The following SNAP47 variants were observed in gnomAD, a reference collection of about 807,000 sequenced individuals.
The protein encoded by SNAP47 is synaptosomal-associated protein 47.
Under a neutral mutation model 31.4 loss-of-function variants are expected in SNAP47, and 20 were observed. The observed-to-expected ratio is 0.64, with a 90% CI of 0.45 to 0.93. The LOEUF (loss-of-function observed/expected upper bound fraction) is 0.93, where lower values mean the gene tolerates loss of function less well. Ranked by LOEUF, SNAP47 falls within the 40% of genes least tolerant of loss-of-function variation. The pLI, the probability that SNAP47 is intolerant of heterozygous loss-of-function variation, is 0.00. For missense variants in SNAP47, 492 were observed against 528.5 expected (o/e 0.93, Z 0.68); for synonymous variants, 194 against 213.4 (o/e 0.91, Z 0.79).
In SNAP47 at chr1:227,735,453, G is replaced by T; in HGVS notation, c.-92G>T. On this transcript the variant is annotated 5_prime_UTR_variant, in exon 1 of 5. Transcript: ENST00000617596. The stretch of plus-strand genomic sequence containing the variant: ...GGTCTTCACTGCGCAGGCGCCGAGC[G>T]GCCGAGGCGCCGCGGTCGGCTCTGG... 6.9e-7 allele frequency: 1 copy of T among 1,445,166 alleles called. No homozygotes were observed. The allele number at this position is 1,445,166 out of a possible 1,614,324, so 89.5% of individuals were successfully genotyped here. A position where few individuals can be genotyped will look rare whatever the true frequency, so the allele number is the denominator to read the frequency against.
chr1:227,732,147 G>A (rs745662378), upstream of SNAP47: 15 of 582,100 alleles, frequency 2.6e-5, no homozygotes, highest in Non-Finnish European at 4.6e-5. Context: ...GCCAGGTCCT[G>A]GCACCATCTC....
Position 227,741,016 on chromosome 1 carries a change from G to A in SNAP47, c.-46+5517G>A, listed in dbSNP as rs996602909. ...GGTCAGGGACAGATGCCCAGCGGGTGATAGGGGAGGGCCTGTGAAGTTGGG... is the reference window on the plus strand; with the variant it reads ...GGTCAGGGACAGATGCCCAGCGGGTAATAGGGGAGGGCCTGTGAAGTTGGG... On this transcript the variant is annotated intron_variant, in intron 1 of 4. Coordinates refer to ENST00000617596, the MANE Select transcript of SNAP47 (RefSeq NM_053052.4). This position sits in a 1 kb window ranked among gnomAD's most constrained non-coding sequence, Gnocchi z 4.2. Among the ~76,000 whole-genome samples, 17 of 148,452 alleles carry A rather than the reference G, an allele frequency of 1.1e-4. No homozygotes were observed. The highest frequency in any genetic ancestry group is 2.9e-5 in the Non-Finnish European group (2 of 67,864).
At chr1:227,755,938 A>G (rs1039238942) in intron 2 of SNAP47, among the ~76,000 whole-genome samples, 4 of 152,198 alleles carry the variant, frequency 2.6e-5, no homozygotes, top group Admixed American at 1.3e-4. Flanking sequence ...CTTTTAACCA[A>G]TTGCCAATCA....
intron 2 of SNAP47, among the ~76,000 whole-genome samples, chr1:227,756,736 A>C (rs986144870): frequency 3.3e-5 from 5 of 152,178 alleles, no homozygotes; most frequent in Admixed American, 2.0e-4. Flanking sequence ...GGTCCTGGGG[A>C]TTGCACCTCC....
Position 227,780,852 on chromosome 1 carries a change from C to T in SNAP47, c.*179C>T. On this transcript the variant is annotated 3_prime_UTR_variant, in exon 5 of 5. Transcript: ENST00000617596. Reference sequence around the variant, plus strand: ...CCTCCCCAGGTGTGCACCATGCCTGCCTCCCACTTGGCTGTCCCTGCTGCT... The same window carrying T: ...CCTCCCCAGGTGTGCACCATGCCTGTCTCCCACTTGGCTGTCCCTGCTGCT... The T allele has an allele frequency of 1.2e-6, 1 of 802,916 alleles. No homozygotes were observed. Among genetic ancestry groups the T allele is most frequent in the Non-Finnish European group, 1.9e-6 (1 of 523,414 alleles). The allele number at this position is 802,916 out of a possible 1,614,324, so 49.7% of individuals were successfully genotyped here.
intron 4 of SNAP47, among the ~76,000 whole-genome samples, chr1:227,774,656 G>A (rs570199863): frequency 5.9e-5 from 9 of 152,350 alleles, no homozygotes; most frequent in African/African-American, 1.9e-4. Context: ...AGCTCTGGCC[G>A]TGTTGGTTCA....
At chr1:227,771,257 T>C (rs1663784592) in intron 4 of SNAP47, among the ~76,000 whole-genome samples, 2 of 152,310 alleles carry the variant, frequency 1.3e-5, no homozygotes, top group South Asian at 2.1e-4. Flanking sequence ...GATGCTGTTT[T>C]TATTTATGGC....
intron 1 of SNAP47, among the ~76,000 whole-genome samples, chr1:227,744,635 A>G (rs911186895): frequency 2.9e-5 from 4 of 137,250 alleles, no homozygotes; most frequent in Non-Finnish European, 6.1e-5. Flanking sequence ...GGTGTTGTCT[A>G]TGGCCAGCTC....
chr1:227,768,340 C>T (rs1248411891), intron 4 of SNAP47: 81 of 985,268 alleles, frequency 8.2e-5, no homozygotes, highest in Non-Finnish European at 9.4e-5. Context: ...ATGGGCTCCC[C>T]GTCCCTGAGC....
At chr1:227,732,859 C>A, upstream of SNAP47, 1 of 1,611,694 alleles carries the variant, frequency 6.2e-7, no homozygotes, top group Non-Finnish European at 8.5e-7. Flanking sequence ...AGGAGGGTAG[C>A]CTCCATGCGT....
upstream of SNAP47, chr1:227,733,599 G>T (rs778389298): frequency 8.1e-6 from 13 of 1,606,462 alleles, no homozygotes; most frequent in Middle Eastern, 1.7e-4. Flanking sequence ...TCCTGCCCTG[G>T]GGGGAAGAGG....
upstream of SNAP47, chr1:227,735,084 CCTGCGTGAAGGCG>C: frequency 6.4e-7 from 1 of 1,572,068 alleles, no homozygotes; most frequent in South Asian, 1.2e-5. Flanking sequence ...CTGCCCCAGC[CCTGCGTGAAGGCG>C]CTGGAAAACA....
chr1:227,768,667 G>A (rs1429699912), intron 4 of SNAP47, among the ~76,000 whole-genome samples: 4 of 152,216 alleles, frequency 2.6e-5, no homozygotes, highest in Admixed American at 2.0e-4. Context: ...GGTAGGTGTA[G>A]CCAGCTCACT....
chr1:227,760,140 C>T (rs1315229659), intron 3 of SNAP47, among the ~76,000 whole-genome samples: 1 of 152,164 alleles, frequency 6.6e-6, no homozygotes, highest in Non-Finnish European at 1.5e-5. Flanking sequence ...TGATGCAGAA[C>T]CTGCTACGAC....
intron 2 of SNAP47, among the ~76,000 whole-genome samples, chr1:227,748,462 G>A (rs1436361438): frequency 6.6e-6 from 1 of 152,278 alleles, no homozygotes; most frequent in Non-Finnish European, 1.5e-5. Flanking sequence ...CACACCGTGA[G>A]ATCTGAGTGA....
chr1:227,772,164 T>C (rs186090051), intron 4 of SNAP47, among the ~76,000 whole-genome samples: 1 of 152,210 alleles, frequency 6.6e-6, no homozygotes, highest in Admixed American at 6.5e-5. Context: ...ATACGTGTTA[T>C]AGCAGTGGGG....
upstream of SNAP47, chr1:227,735,128 A>G: frequency 6.3e-7 from 1 of 1,579,714 alleles, no homozygotes. Flanking sequence ...GTTGGGCAGC[A>G]AGAAGCCCCG....
At chr1:227,756,528 G>A (rs1040902669) in intron 2 of SNAP47, among the ~76,000 whole-genome samples, 7 of 152,228 alleles carry the variant, frequency 4.6e-5, no homozygotes, top group East Asian at 1.9e-4. Flanking sequence ...ACCCGGCCCC[G>A]GCCATTTAGA....
upstream of SNAP47, chr1:227,735,378 C>A (rs370602510): frequency 1.9e-6 from 3 of 1,588,946 alleles, no homozygotes; most frequent in Admixed American, 3.4e-5. Flanking sequence ...CGTTTCTGCC[C>A]CGCCAGCGCC....
Sources: allele counts gnomAD v4.1 joint callset (sites outside exome capture counted in the v4.1 genomes callset), GRCh38; gene constraint gnomAD v4.1.1; non-coding constraint Gnocchi (gnomAD v3.1); transcripts MANE v1.5; gene names NCBI Gene and HGNC (gene_info 2026-07-23, HGNC 2026-07-21).